Variants in TMEM132E observed in about 807,000 individuals in gnomAD.
TMEM132E encodes the protein transmembrane protein 132E.
In TMEM132E, 49 loss-of-function variants were observed where a neutral mutation model predicts 78.5. The observed-to-expected ratio is 0.62, with a 90% CI of 0.50 to 0.79. The LOEUF is 0.79. Ranked by LOEUF, TMEM132E falls within the 30% of genes least tolerant of loss-of-function variation. TMEM132E has a pLI of 0.00. For synonymous variants in TMEM132E, 715 were observed against 670.6 expected (o/e 1.07, Z -1.02); for missense variants, 1,403 against 1,470.9 (o/e 0.95, Z 0.75).
chr17:34,592,075 C>G (rs1905891007), intron 1 of TMEM132E, among the ~76,000 whole-genome samples: 4 of 152,210 alleles, frequency 2.6e-5, no homozygotes, highest in African/African-American at 4.8e-5. Flanking sequence ...CAAAGACTTC[C>G]CGGAGAGCTG....
Position 34,628,707 on chromosome 17 carries a change from C to T in TMEM132E, c.1143C>T (p.Pro381=). 6.3e-7 allele frequency: 1 copy of T among 1,589,866 alleles called. No individual in the cohort carries two copies. Among genetic ancestry groups the T allele is most frequent in the Non-Finnish European group, 8.6e-7 (1 of 1,167,128 alleles). Reference sequence around the variant, plus strand: ...GGGCTCAGAGCACACCCCTGCCCCCCAGGTGAGCCCGAGGTGGTGCATCTA... The same window carrying T: ...GGGCTCAGAGCACACCCCTGCCCCCTAGGTGAGCCCGAGGTGGTGCATCTA... ...VAWAQSTPLP[P]REGQGPLEIL... The change falls in exon 3 of 9, where the codon CCC becomes CCT. Residue 381 remains proline (P), a splice_region_variant and synonymous_variant. Coordinates refer to ENST00000631683, the MANE Select transcript of TMEM132E (RefSeq NM_001304438.2).
In TMEM132E at chr17:34,638,367, C is replaced by G. The variant is rs191724676; in HGVS notation, c.*135C>G. The G allele has an allele frequency of 2.5e-3, 2,570 of 1,018,620 alleles. 36 individuals carry two copies. The highest frequency in any genetic ancestry group is 0.024 in the East Asian group (895 of 36,700). The allele number at this position is 1,018,620 out of a possible 1,614,324, so 63.1% of individuals were successfully genotyped here. On this transcript the variant is annotated 3_prime_UTR_variant, in exon 9 of 9. Coordinates refer to ENST00000631683, the MANE Select transcript of TMEM132E (RefSeq NM_001304438.2). ...TACTCCCTGCCCCTGCAGCTTGGCT[C>G]CGTGCGGAGCGGGCCGCCTCAGTGT...
chr17:34,637,798 C>G lies in TMEM132E; in HGVS notation c.2791C>G (p.His931Asp). 6.2e-7 allele frequency: 1 copy of G among 1,613,226 alleles called. No individual in the cohort carries two copies. The highest frequency in any genetic ancestry group is 8.5e-7 in the Non-Finnish European group (1 of 1,179,928). ...IPPEGQTSMD[H>D]SHHWVFLGNG... ...GCCCGAGGGCCAGACCAGCATGGAC[C>G]ACTCTCACCACTGGGTGTTCCTGGG... Residue 931 changes from histidine to aspartate, a missense_variant, in exon 9 of 9, where the codon CAC becomes GAC. His to Asp is a moderately conservative substitution (Grantham distance 81). This residue lies in a region of TMEM132E where 888 missense variants were observed against 952.8 expected (regional missense o/e 0.93). Transcript: ENST00000631683.
intron 6 of TMEM132E, 112 bp downstream of exon 6, chr17:34,633,021 G>A: frequency 8.2e-6 from 10 of 1,225,746 alleles, no homozygotes; most frequent in Middle Eastern, 2.8e-4. Context: ...ATAGTCTGTA[G>A]GTTGGTTGTG....
At chr17:34,623,169 G>A (rs145155342) in intron 1 of TMEM132E, among the ~76,000 whole-genome samples, 4 of 152,142 alleles carry the variant, frequency 2.6e-5, no homozygotes, top group Non-Finnish European at 5.9e-5. Flanking sequence ...CCTCCCCCAG[G>A]GGGGGTGAGG....
chr17:34,621,275 T>C (rs1355476401), intron 1 of TMEM132E, among the ~76,000 whole-genome samples: 1 of 152,152 alleles, frequency 6.6e-6, no homozygotes, highest in African/African-American at 2.4e-5. Context: ...GAGGTCAAGG[T>C]GTCAGCAGGA....
intron 1 of TMEM132E, among the ~76,000 whole-genome samples, chr17:34,599,252 A>G (rs1482898772): frequency 6.6e-6 from 1 of 152,214 alleles, no homozygotes; most frequent in Non-Finnish European, 1.5e-5. Flanking sequence ...TGGAAGATGA[A>G]TGACTCAGAT....
At position 34,579,750 on chromosome 17, in the gene TMEM132E, C is replaced by G. The variant is rs1905394231; in HGVS notation, c.-1327C>G. On this transcript the variant is annotated 5_prime_UTR_variant, in exon 1 of 9. Transcript: ENST00000631683. The stretch of plus-strand genomic sequence containing the variant: ...GAGCCGGCTCCCCTGCCAGCACCTC[C>G]TCTCCTCTCGGCCCCGTAGGCACCA... The G allele has an allele frequency of 6.6e-6, 1 of 152,500 alleles. No homozygotes were observed. Among genetic ancestry groups the G allele is most frequent in the South Asian group, 2.1e-4 (1 of 4,848 alleles). The allele number at this position is 152,500 out of a possible 1,614,324, so 9.4% of individuals were successfully genotyped here.
intron 2 of TMEM132E, among the ~76,000 whole-genome samples, chr17:34,627,630 C>A (rs1419572750): frequency 6.6e-6 from 1 of 152,136 alleles, no homozygotes. Flanking sequence ...AATTGTATCA[C>A]ATCCACCCCA....
chr17:34,593,550 C>T (rs1285629673), intron 1 of TMEM132E, among the ~76,000 whole-genome samples: 1 of 152,230 alleles, frequency 6.6e-6, no homozygotes, highest in Non-Finnish European at 1.5e-5. Context: ...GACTGATAAG[C>T]TGAGCCCACT....
rs1289078946 is a variant in TMEM132E, at chr17:34,626,559, T to C, written c.500T>C (p.Leu167Pro). 1.3e-6 allele frequency: 2 copies of C among 1,584,222 alleles called. No homozygotes were observed. The highest frequency in any genetic ancestry group is 1.7e-6 in the Non-Finnish European group (2 of 1,169,404). ...GVTERLPCVR[L>P]HAFRDAREVK... is the part of the protein sequence containing the mutation. The stretch of plus-strand genomic sequence containing the variant: ...ACCGAGCGGCTGCCCTGTGTCCGCC[T>C]GCATGCCTTCCGGGATGCCCGGGAA... The change falls in exon 2 of 9, where the codon CTG (leucine) becomes CCG (proline). Residue 167 changes from leucine to proline, a missense_variant. Transcript: ENST00000631683.
At position 34,580,834 on chromosome 17, in the gene TMEM132E, G is replaced by C. The variant is rs1905443034; in HGVS notation, c.-243G>C. 2.2e-6 allele frequency: 1 copy of C among 451,572 alleles called. No homozygotes were observed. The highest frequency in any genetic ancestry group is 3.9e-6 in the Non-Finnish European group (1 of 255,090). The allele number at this position is 451,572 out of a possible 1,614,324, so 28.0% of individuals were successfully genotyped here. On this transcript the variant is annotated 5_prime_UTR_variant, in exon 1 of 9. Coordinates refer to ENST00000631683, the MANE Select transcript of TMEM132E (RefSeq NM_001304438.2). Reference sequence around the variant, plus strand: ...GCAGATCCTGCAGGGGGCACCAGCTGGGGGAGGTGGAGGCTCCTCCCGCCC... The same window carrying C: ...GCAGATCCTGCAGGGGGCACCAGCTCGGGGAGGTGGAGGCTCCTCCCGCCC...
chr17:34,597,643 C>T (rs992936965), intron 1 of TMEM132E, among the ~76,000 whole-genome samples: 2 of 152,158 alleles, frequency 1.3e-5, no homozygotes, highest in African/African-American at 4.8e-5. Context: ...GAGGTGAACC[C>T]AGCCTCAGCT....
At chr17:34,592,190 G>T (rs911973594) in intron 1 of TMEM132E, among the ~76,000 whole-genome samples, 1 of 152,188 alleles carries the variant, frequency 6.6e-6, no homozygotes, top group African/African-American at 2.4e-5. Flanking sequence ...GTGGCCAGCT[G>T]CTGGCCCCCA....
chr17:34,618,238 T>TTTTG lies in TMEM132E; in HGVS notation c.68-7877_68-7874dup, dbSNP rs529534326. The stretch of plus-strand genomic sequence containing the variant: ...GAACATCTATGTAAATTTTTTTGTT[T>TTTTG]TTTGTTTGTTTGTTTTAGAGACAGG... On this transcript the variant is annotated intron_variant, in intron 1 of 8. Coordinates refer to ENST00000631683, the MANE Select transcript of TMEM132E (RefSeq NM_001304438.2). Among the ~76,000 whole-genome samples, 3 of 152,298 alleles carry TTTTG rather than the reference T, an allele frequency of 2.0e-5. No homozygotes were observed. In the South Asian group the frequency reaches 6.2e-4, roughly 32 times the overall value.
chr17:34,581,481 G>GC (rs905309891), intron 1 of TMEM132E, among the ~76,000 whole-genome samples: 1 of 150,818 alleles, frequency 6.6e-6, no homozygotes. Context: ...CGTCCAGGCC[G>GC]CCCCCCGCCC....
intron 1 of TMEM132E, among the ~76,000 whole-genome samples, chr17:34,615,325 C>A (rs190867924): frequency 2.0e-5 from 3 of 152,140 alleles, no homozygotes; most frequent in Admixed American, 2.0e-4. Context: ...TAGTTTAGTA[C>A]CCCCCTCCCC....
At chr17:34,623,409 C>G (rs530301736) in intron 1 of TMEM132E, among the ~76,000 whole-genome samples, 2,121 of 151,502 alleles carry the variant, frequency 0.014, 58 homozygotes, top group African/African-American at 0.046. Flanking sequence ...GCTCCCCCCC[C>G]CCCCCCCGTC....
chr17:34,637,602 A>G lies in TMEM132E; in HGVS notation c.2595A>G (p.Pro865=), dbSNP rs1384833798. The G allele has an allele frequency of 1.2e-6, 2 of 1,602,344 alleles. No homozygotes were observed. Among genetic ancestry groups the G allele is most frequent in the African/African-American group, 2.7e-5 (2 of 74,854 alleles). The change falls in exon 9 of 9, where the codon CCA becomes CCG. Residue 865 remains proline (P), a synonymous_variant. Coordinates refer to ENST00000631683, the MANE Select transcript of TMEM132E (RefSeq NM_001304438.2). ...PGPGTASPVV[P]PTEDFLPLPT... ...CGGGCACCGCCAGCCCCGTCGTGCCACCCACAGAAGACTTCCTGCCGCTGC... is the reference window on the plus strand; with the variant it reads ...CGGGCACCGCCAGCCCCGTCGTGCCGCCCACAGAAGACTTCCTGCCGCTGC...
Sources: gnomAD v4.1 joint callset for allele counts (sites outside exome capture counted in the v4.1 genomes callset) on GRCh38, gnomAD v4.1.1 for gene constraint, gnomAD v4.1.1 regional missense constraint, MANE v1.5 for transcripts, NCBI Gene and HGNC (gene_info 2026-07-23, HGNC 2026-07-21) for gene names.